Variants in DCBLD1 observed in about 807,000 individuals in gnomAD.
DCBLD1 encodes discoidin, CUB and LCCL domain-containing protein 1.
A neutral mutation model predicts 71.5 loss-of-function variants in DCBLD1; 57 were observed. The observed-to-expected ratio is 0.80, with a 90% confidence interval of 0.64 to 0.99. The LOEUF (loss-of-function observed/expected upper bound fraction) is 0.99, where lower values mean the gene tolerates loss of function less well. Ranked by LOEUF, DCBLD1 falls within the 50% of genes least tolerant of loss-of-function variation. The pLI, the probability that DCBLD1 is intolerant of heterozygous loss-of-function variation, is 0.00. For synonymous variants in DCBLD1, 380 were observed against 363.8 expected (o/e 1.04, Z -0.51); for missense variants, 891 against 923.5 (o/e 0.96, Z 0.46).
chr6:117,553,556 C>A (rs1224491478), downstream of DCBLD1, among the ~76,000 whole-genome samples: 1 of 152,124 alleles, frequency 6.6e-6, no homozygotes, highest in Non-Finnish European at 1.5e-5. Flanking sequence ...TTCTAATTAC[C>A]TATTGTCTTT....
chr6:117,488,287 T>C (rs368798115), intron 1 of DCBLD1, among the ~76,000 whole-genome samples: 3 of 152,220 alleles, frequency 2.0e-5, no homozygotes, highest in Admixed American at 6.5e-5. Flanking sequence ...ATTCATGTTA[T>C]TTTAAACAGA....
At chr6:117,560,718 A>G (rs750072570) in intron 14 of DCBLD1, 1 of 201,150 alleles carries the variant, frequency 5.0e-6, no homozygotes, top group Non-Finnish European at 1.0e-5. Flanking sequence ...ATACTGTAGA[A>G]GAGAATTTTA....
intron 4 of DCBLD1, among the ~76,000 whole-genome samples, chr6:117,524,140 T>TA (rs746389057): frequency 5.9e-5 from 9 of 152,106 alleles, no homozygotes; most frequent in Non-Finnish European, 1.3e-4. Context: ...CTGCACCACA[T>TA]ACTATGACAT....
chr6:117,528,573 C>T (rs773398211), intron 5 of DCBLD1, among the ~76,000 whole-genome samples: 13 of 152,118 alleles, frequency 8.5e-5, no homozygotes, highest in Non-Finnish European at 1.6e-4. Context: ...GTTGTTTAGC[C>T]TTAGTTCACA....
chr6:117,554,883 C>G (rs1208308771), intron 14 of DCBLD1, among the ~76,000 whole-genome samples: 2 of 115,434 alleles, frequency 1.7e-5, no homozygotes, highest in East Asian at 2.3e-4. Context: ...CAGAGCGAGA[C>G]TCAGTTGCAA....
chr6:117,539,385 A>C lies in DCBLD1; in HGVS notation c.1101+6A>C. On this transcript the variant is annotated splice_donor_region_variant and intron_variant, in intron 9 of 14. Transcript: ENST00000338728. Reference sequence around the variant, plus strand: ...TTGTGAATAATGAAGAAAAGGTAAGAGGTAACCCTAGAGGCAAGAGAACTG... The same window carrying C: ...TTGTGAATAATGAAGAAAAGGTAAGCGGTAACCCTAGAGGCAAGAGAACTG... The C allele has an allele frequency of 6.3e-7, 1 of 1,599,770 alleles. No individual in the cohort carries two copies. The highest frequency in any genetic ancestry group is 8.5e-7 in the Non-Finnish European group (1 of 1,176,686).
intron 4 of DCBLD1, among the ~76,000 whole-genome samples, chr6:117,524,062 G>A (rs1464971799): frequency 6.6e-6 from 1 of 152,118 alleles, no homozygotes; most frequent in Non-Finnish European, 1.5e-5. Flanking sequence ...TGCAATATCA[G>A]GGTCCCACTG....
rs946067352 is a variant in DCBLD1 at position 117,548,351 on chromosome 6, C to T, written c.2060C>T (p.Pro687Leu). Reference protein sequence around the residue: ...ESGHPDSQKPPTHPGTSDSYS... With the variant: ...ESGHPDSQKPLTHPGTSDSYS... ...GGGCACCCTGACTCTCAGAAGCCCC[C>T]AACGCATCCCGGGACGAGTGACAGC... Residue 687 changes from proline (P) to leucine (L), a missense_variant, in exon 15 of 15, where the codon CCA becomes CTA. Physicochemically the swap from Pro to Leu is moderately conservative, Grantham distance 98 (BLOSUM62 -3). Transcript: ENST00000338728. 3 of 1,550,580 alleles carry T rather than the reference C, an allele frequency of 1.9e-6. No homozygotes were observed. In the African/African-American group the frequency reaches 4.1e-5, roughly 21 times the overall value.
intron 12 of DCBLD1, among the ~76,000 whole-genome samples, chr6:117,543,787 G>GAGTAAAAGGAAT (rs1287376129): frequency 6.6e-6 from 1 of 152,140 alleles, no homozygotes; most frequent in African/African-American, 2.4e-5. Context: ...CCTCCCTGAA[G>GAGTAAAAGGAAT]AGTAAAAGGA....
At chr6:117,510,169 AC>A (rs752235804) in intron 2 of DCBLD1, among the ~76,000 whole-genome samples, 6 of 151,906 alleles carry the variant, frequency 3.9e-5, no homozygotes, top group South Asian at 4.2e-4. Flanking sequence ...TTTCTTCTTC[AC>A]TCTCACTTCT....
At position 117,569,798 on chromosome 6, in the gene DCBLD1, C is replaced by A; in HGVS notation, c.*174C>A. 8 of 1,444,244 alleles carry A rather than the reference C, an allele frequency of 5.5e-6. 1 individual carries two copies. In the Middle Eastern group the frequency reaches 5.5e-4, roughly 99 times the overall value. The allele number at this position is 1,444,244 out of a possible 1,614,324, so 89.5% of individuals were successfully genotyped here. ...TTGTAAGGTACAGTTACCGATTAAT[C>A]TAGAGATAAAATATTTTCTTAAAAA... On this transcript the variant is annotated 3_prime_UTR_variant, in exon 15 of 15. Transcript: ENST00000296955.
chr6:117,509,585 C>T (rs1480642097), intron 2 of DCBLD1, among the ~76,000 whole-genome samples: 2 of 152,124 alleles, frequency 1.3e-5, no homozygotes, highest in Non-Finnish European at 2.9e-5. Flanking sequence ...CTATCCTCTG[C>T]CCCTCTACTT....
chr6:117,511,711 C>T (rs572446530), intron 2 of DCBLD1, among the ~76,000 whole-genome samples: 2 of 152,214 alleles, frequency 1.3e-5, no homozygotes, highest in East Asian at 3.9e-4. Flanking sequence ...TTTTTTAAAT[C>T]CCAAAGAGGG....
intron 12 of DCBLD1, among the ~76,000 whole-genome samples, chr6:117,544,044 A>G (rs1041360323): frequency 3.3e-5 from 5 of 152,364 alleles, no homozygotes; most frequent in Non-Finnish European, 7.3e-5. Context: ...ATTAGTACAA[A>G]TAGAATGAAG....
At position 117,521,596 on chromosome 6, in the gene DCBLD1, CTG is replaced by C. The variant is rs35394851; in HGVS notation, c.512+24_512+25del. ...ATACAGGTAAGTATAGGTATCCTAA[CTG>C]TGTTGCAGTCGTGTATTGCTGAACA... On this transcript the variant is annotated intron_variant, in intron 4 of 14. Transcript: ENST00000338728. The C allele has an allele frequency of 0.21, 326,395 of 1,551,906 alleles. 36,255 individuals carry two copies. Among genetic ancestry groups the C allele is most frequent in the South Asian group, 0.26 (21,444 of 82,512 alleles).
At chr6:117,491,329 T>C (rs920845345) in intron 1 of DCBLD1, among the ~76,000 whole-genome samples, 1 of 152,138 alleles carries the variant, frequency 6.6e-6, no homozygotes, top group African/African-American at 2.4e-5. Flanking sequence ...TTGCCCCCAT[T>C]CCGCCCACCA....
chr6:117,548,278 AG>A lies in DCBLD1; in HGVS notation c.1991del (p.Gly664AlafsTer48). ...GCCACACAGCGCACAGCCTGCGGAC[AG>A]GGGCTACGACCGGCCCAAAGCTGTC... is the stretch of plus-strand genomic sequence containing the variant. ...QRPHSAQPADRGYDRPKAVSA... is the reference protein window; with the variant it reads ...QRPHSAQPADXGYDRPKAVSA... On this transcript the variant is annotated frameshift_variant, in exon 15 of 15. Coordinates refer to ENST00000338728, the MANE Select transcript of DCBLD1 (RefSeq NM_001366458.2). LOFTEE classifies it low-confidence loss of function (END_TRUNC). 1.9e-6 allele frequency: 3 copies of A among 1,550,628 alleles called. No homozygotes were observed. The highest frequency in any genetic ancestry group is 2.6e-6 in the Non-Finnish European group (3 of 1,146,970).
chr6:117,541,720 GTAGA>G (rs1271717013), intron 11 of DCBLD1, among the ~76,000 whole-genome samples: 1 of 152,166 alleles, frequency 6.6e-6, no homozygotes, highest in Non-Finnish European at 1.5e-5. Flanking sequence ...ATCAGTATCC[GTAGA>G]TAATCACCAA....
chr6:117,489,690 A>C (rs934956467), intron 1 of DCBLD1, among the ~76,000 whole-genome samples: 4 of 152,068 alleles, frequency 2.6e-5, no homozygotes, highest in East Asian at 1.9e-4. Context: ...CAAGACCATC[A>C]TGGTCTAACT....
Sources: allele counts gnomAD v4.1 joint callset (sites outside exome capture counted in the v4.1 genomes callset), GRCh38; gene constraint gnomAD v4.1.1; transcripts MANE v1.5; gene names NCBI Gene and HGNC (gene_info 2026-07-23, HGNC 2026-07-21).